NCKAP5: variants seen among roughly 807,000 people sequenced by gnomAD.
NCKAP5 encodes the protein NCK associated protein 5, also known as nck-associated protein 5.
A neutral mutation model predicts 167.0 loss-of-function variants in NCKAP5; 92 were observed. The observed-to-expected ratio is 0.55, with a 90% CI of 0.47 to 0.66. NCKAP5 has a LOEUF of 0.66. Ranked by LOEUF, NCKAP5 falls within the 30% of genes least tolerant of loss-of-function variation. The pLI is 0.00. For missense variants in NCKAP5, 2,378 were observed against 2,315.0 expected (o/e 1.03, Z -0.56); for synonymous variants, 891 against 877.4 (o/e 1.02, Z -0.27).
At chr2:133,336,179 C>T (rs546471037) in intron 3 of NCKAP5, among the ~76,000 whole-genome samples, 1 of 152,318 alleles carries the variant, frequency 6.6e-6, no homozygotes, top group South Asian at 2.1e-4. Flanking sequence ...CATTTACCAA[C>T]TGTCTTGAGT....
At chr2:132,958,377 CA>C in intron 8 of NCKAP5, among the ~76,000 whole-genome samples, 1 of 152,240 alleles carries the variant, frequency 6.6e-6, no homozygotes, top group Non-Finnish European at 1.5e-5. Flanking sequence ...AAAACAACAA[CA>C]AAAAATACCT....
chr2:133,110,432 GA>G (rs1211774270), intron 6 of NCKAP5, among the ~76,000 whole-genome samples: 1 of 152,156 alleles, frequency 6.6e-6, no homozygotes, highest in African/African-American at 2.4e-5. Flanking sequence ...CGGTATCACA[GA>G]AGGAATTTGT....
intron 4 of NCKAP5, among the ~76,000 whole-genome samples, chr2:133,259,859 C>A (rs1328598058): frequency 6.6e-6 from 1 of 152,136 alleles, no homozygotes; most frequent in Non-Finnish European, 1.5e-5. Flanking sequence ...TCCTTCCTTT[C>A]TACGTGTCTT....
chr2:133,412,002 T>C (rs1688802455), intron 3 of NCKAP5, among the ~76,000 whole-genome samples: 1 of 152,180 alleles, frequency 6.6e-6, no homozygotes, highest in South Asian at 2.1e-4. Flanking sequence ...ATATCAGGGA[T>C]AAAATGAAGG....
At chr2:132,883,734 G>A (rs953873273) in intron 8 of NCKAP5, among the ~76,000 whole-genome samples, 1 of 152,098 alleles carries the variant, frequency 6.6e-6, no homozygotes, top group Non-Finnish European at 1.5e-5. Flanking sequence ...GAGTTACATG[G>A]GTATCTGGTA....
intron 6 of NCKAP5, among the ~76,000 whole-genome samples, chr2:133,116,126 G>A (rs920995169): frequency 5.3e-5 from 8 of 151,800 alleles, no homozygotes; most frequent in African/African-American, 1.9e-4. Context: ...TAATTATTAC[G>A]AAGTTTTATA....
chr2:133,283,966 A>G (rs1286761741), intron 4 of NCKAP5, among the ~76,000 whole-genome samples: 1 of 152,164 alleles, frequency 6.6e-6, no homozygotes, highest in East Asian at 1.9e-4. Flanking sequence ...TCCAGTGATC[A>G]AATGATTTCC....
chr2:133,592,784 G>T, the NCKAP5 span, among the ~76,000 whole-genome samples: 1 of 152,142 alleles, frequency 6.6e-6, no homozygotes, highest in Non-Finnish European at 1.5e-5. Context: ...TAACATTCCT[G>T]CTCAGGTTTT....
At chr2:133,129,836 G>A in intron 6 of NCKAP5, 142 bp downstream of exon 6, 1 of 956,356 alleles carries the variant, frequency 1.0e-6, no homozygotes. Flanking sequence ...GGATGCTTCA[G>A]TCAGAACAGA....
At chr2:133,605,207 C>T in the NCKAP5 span, among the ~76,000 whole-genome samples, 1 of 152,164 alleles carries the variant, frequency 6.6e-6, no homozygotes, top group African/African-American at 2.4e-5. Context: ...TCAGCCACTG[C>T]CCCCTCTTCT....
At chr2:133,109,700 G>C (rs1559147768) in intron 6 of NCKAP5, among the ~76,000 whole-genome samples, 1 of 151,834 alleles carries the variant, frequency 6.6e-6, no homozygotes, top group South Asian at 2.1e-4. Flanking sequence ...AAATGATTAA[G>C]AGGATTAAAA....
At chr2:132,944,146 T>C (rs1410746303) in intron 8 of NCKAP5, among the ~76,000 whole-genome samples, 1 of 152,244 alleles carries the variant, frequency 6.6e-6, no homozygotes, top group Non-Finnish European at 1.5e-5. Flanking sequence ...ACAGTGGTTA[T>C]CTAGCCCAAA....
At chr2:133,268,047 T>G (rs914048070) in intron 4 of NCKAP5, among the ~76,000 whole-genome samples, 2 of 152,252 alleles carry the variant, frequency 1.3e-5, no homozygotes, top group African/African-American at 4.8e-5. Flanking sequence ...GGAAATAATT[T>G]GTTGGATAAA....
At chr2:133,626,861 T>A in the NCKAP5 span, among the ~76,000 whole-genome samples, 1 of 151,968 alleles carries the variant, frequency 6.6e-6, no homozygotes, top group African/African-American at 2.4e-5. Flanking sequence ...TACAAAGTGT[T>A]TGAATACATA....
chr2:133,219,959 A>G (rs1431929676), intron 4 of NCKAP5, among the ~76,000 whole-genome samples: 2 of 152,214 alleles, frequency 1.3e-5, no homozygotes, highest in Admixed American at 6.5e-5. Context: ...CTGGCACGCC[A>G]TATTTTCAAA....
chr2:132,984,081 ACT>A (rs936934132), intron 7 of NCKAP5, among the ~76,000 whole-genome samples: 1 of 151,464 alleles, frequency 6.6e-6, no homozygotes, highest in Non-Finnish European at 1.5e-5. Flanking sequence ...ACATAGTGAG[ACT>A]CTCTCTCTCT....
chr2:132,987,992 GACTGGTAC>G (rs2077337778), intron 7 of NCKAP5, among the ~76,000 whole-genome samples: 1 of 152,186 alleles, frequency 6.6e-6, no homozygotes, highest in South Asian at 2.1e-4. Context: ...GCAGCATAGT[GACTGGTAC>G]ACTGCAGGTG....
chr2:133,664,673 T>C, the NCKAP5 span, among the ~76,000 whole-genome samples: 1 of 152,146 alleles, frequency 6.6e-6, no homozygotes, highest in Non-Finnish European at 1.5e-5. Flanking sequence ...CTAATTCTTG[T>C]ATTTTTAGTA....
At chr2:132,826,266 G>A (rs896542674) in intron 11 of NCKAP5, among the ~76,000 whole-genome samples, 5 of 152,096 alleles carry the variant, frequency 3.3e-5, no homozygotes, top group Non-Finnish European at 5.9e-5. Flanking sequence ...AGATTTCAGT[G>A]GATTCCCACT....
Sources: allele counts gnomAD v4.1 joint callset (sites outside exome capture counted in the v4.1 genomes callset), GRCh38; gene constraint gnomAD v4.1.1; transcripts MANE v1.5; gene names NCBI Gene and HGNC (gene_info 2026-07-23, HGNC 2026-07-21).